The following DSCAM variants were observed in gnomAD, a reference collection of about 807,000 sequenced individuals.
DSCAM encodes DS cell adhesion molecule, also known as cell adhesion molecule DSCAM.
DSCAM carries 47 observed loss-of-function variants against 217.7 expected under a neutral mutation model. The observed-to-expected ratio is 0.22, with a 90% CI of 0.17 to 0.28. The LOEUF is 0.28. DSCAM is among the 10% of genes least tolerant of loss of function. DSCAM has a pLI of 1.00. For missense variants in DSCAM, 2,080 were observed against 2,618.3 expected (o/e 0.79, Z 4.49); for synonymous variants, 1,056 against 1,015.3 (o/e 1.04, Z -0.76).
intron 32 of DSCAM, among the ~76,000 whole-genome samples, chr21:40,028,849 TTTTCCATTCTTGCCCTTAGC>T (rs1881880868): frequency 6.6e-6 from 1 of 152,190 alleles, no homozygotes; most frequent in South Asian, 2.1e-4. Context: ...TTCGCACTTA[TTTTCCATTCTTGCCCTTAGC>T]AAATCAAAAA....
intron 3 of DSCAM, among the ~76,000 whole-genome samples, chr21:40,514,644 GA>G (rs2076285989): frequency 1.3e-5 from 2 of 152,160 alleles, no homozygotes; most frequent in Non-Finnish European, 2.9e-5. Context: ...GATCCTTTAT[GA>G]AAGATTTTTT....
chr21:40,540,112 C>T (rs1161735764), intron 3 of DSCAM, among the ~76,000 whole-genome samples: 1 of 152,160 alleles, frequency 6.6e-6, no homozygotes, highest in Non-Finnish European at 1.5e-5. Flanking sequence ...GCTCTTAACA[C>T]ACAATGACTA....
chr21:40,809,655 G>A (rs2091820179), intron 1 of DSCAM, among the ~76,000 whole-genome samples: 1 of 152,174 alleles, frequency 6.6e-6, no homozygotes, highest in South Asian at 2.1e-4. Flanking sequence ...GGTCCTCTAG[G>A]AGACGTCATG....
chr21:40,334,617 C>T (rs1463523843), intron 8 of DSCAM, among the ~76,000 whole-genome samples: 1 of 152,102 alleles, frequency 6.6e-6, no homozygotes, highest in Non-Finnish European at 1.5e-5. Flanking sequence ...CCATTCTCAG[C>T]ACAGGAATCA....
At chr21:40,253,694 C>T (rs781123696) in intron 11 of DSCAM, among the ~76,000 whole-genome samples, 2 of 152,226 alleles carry the variant, frequency 1.3e-5, no homozygotes, top group Non-Finnish European at 2.9e-5. Flanking sequence ...AAACTCTGAG[C>T]AATGCAACTC....
At chr21:40,361,187 G>T (rs997626000) in intron 4 of DSCAM, among the ~76,000 whole-genome samples, 1 of 151,610 alleles carries the variant, frequency 6.6e-6, no homozygotes, top group Non-Finnish European at 1.5e-5. Context: ...AAAACGTACA[G>T]AAAAGTAGAC....
At chr21:40,169,376 G>A (rs1380394293) in intron 15 of DSCAM, among the ~76,000 whole-genome samples, 3 of 152,190 alleles carry the variant, frequency 2.0e-5, no homozygotes, top group Non-Finnish European at 4.4e-5. Context: ...CAAAGTCTTG[G>A]AAAATGGCTA....
chr21:40,428,235 TG>T (rs1981832743), intron 3 of DSCAM, among the ~76,000 whole-genome samples: 1 of 966 alleles, frequency 1.0e-3, no homozygotes, highest in Non-Finnish European at 3.0e-3. Context: ...GCAAATACTT[TG>T]TGTGTGTGTG....
chr21:40,103,174 G>A (rs1402376405), intron 20 of DSCAM, among the ~76,000 whole-genome samples: 3 of 152,104 alleles, frequency 2.0e-5, no homozygotes, highest in Admixed American at 2.0e-4. Context: ...GATATAAAAG[G>A]AATTCTACTT....
At chr21:40,665,011 G>A (rs1172287777) in intron 3 of DSCAM, among the ~76,000 whole-genome samples, 1 of 152,154 alleles carries the variant, frequency 6.6e-6, no homozygotes, top group African/African-American at 2.4e-5. Context: ...CCCGTGTGGT[G>A]TGCGTGCTCC....
intron 30 of DSCAM, among the ~76,000 whole-genome samples, chr21:40,051,625 C>T (rs913158977): frequency 2.0e-5 from 3 of 152,148 alleles, no homozygotes; most frequent in Non-Finnish European, 2.9e-5. Context: ...ATGACATCAT[C>T]GTTCTATCCC....
At chr21:40,340,904 G>GC in intron 6 of DSCAM, among the ~76,000 whole-genome samples, 1 of 152,282 alleles carries the variant, frequency 6.6e-6, no homozygotes, top group South Asian at 2.1e-4. Flanking sequence ...GAACCTTGGG[G>GC]CCTAGTTCTT....
intron 3 of DSCAM, among the ~76,000 whole-genome samples, chr21:40,473,939 C>T (rs1416718495): frequency 6.6e-6 from 1 of 152,232 alleles, no homozygotes; most frequent in Non-Finnish European, 1.5e-5. Flanking sequence ...GCTGTTCAAA[C>T]CCCTGCTCAG....
At chr21:40,254,348 A>C (rs1158631773) in intron 11 of DSCAM, among the ~76,000 whole-genome samples, 1 of 152,238 alleles carries the variant, frequency 6.6e-6, no homozygotes, top group Non-Finnish European at 1.5e-5. Context: ...TGATGATATA[A>C]GGAAATAAGT....
chr21:40,624,900 C>A (rs184778228), intron 3 of DSCAM, among the ~76,000 whole-genome samples: 1 of 152,082 alleles, frequency 6.6e-6, no homozygotes, highest in East Asian at 1.9e-4. Context: ...CATATTCATA[C>A]CAGTTATTTT....
At chr21:40,095,803 G>A (rs552102501) in intron 20 of DSCAM, among the ~76,000 whole-genome samples, 7 of 152,138 alleles carry the variant, frequency 4.6e-5, no homozygotes, top group African/African-American at 1.2e-4. Flanking sequence ...GCAAACAAGG[G>A]CAATAAAGTA....
intron 12 of DSCAM, among the ~76,000 whole-genome samples, chr21:40,188,672 A>AT (rs2090921797): frequency 6.6e-6 from 1 of 151,882 alleles, no homozygotes; most frequent in African/African-American, 2.4e-5. Flanking sequence ...TTATGATAAT[A>AT]TTTTTGTCCC....
At chr21:40,257,824 C>T (rs945327968) in intron 11 of DSCAM, among the ~76,000 whole-genome samples, 11 of 151,984 alleles carry the variant, frequency 7.2e-5, no homozygotes, top group Admixed American at 6.6e-4. Context: ...AGAGGTGGCT[C>T]CATGGTGTGA....
intron 11 of DSCAM, among the ~76,000 whole-genome samples, chr21:40,237,918 GA>G (rs771038571): frequency 6.6e-5 from 10 of 152,200 alleles, no homozygotes; most frequent in Admixed American, 1.3e-4. Flanking sequence ...TCCATCTCAA[GA>G]TCTTTCCCTT....
Sources: allele counts gnomAD v4.1 joint callset (sites outside exome capture counted in the v4.1 genomes callset), GRCh38; gene constraint gnomAD v4.1.1; transcripts MANE v1.5; gene names NCBI Gene and HGNC (gene_info 2026-07-23, HGNC 2026-07-21).